Variants in PAPPA observed in about 807,000 individuals in gnomAD.
PAPPA encodes pappalysin-1.
PAPPA carries 60 observed loss-of-function variants against 164.0 expected under a neutral mutation model. The ratio of observed to expected loss-of-function variants is 0.37; its 90% confidence interval spans 0.30 to 0.45. The LOEUF (loss-of-function observed/expected upper bound fraction) is 0.45, where lower values mean the gene tolerates loss of function less well. Ranked by LOEUF, PAPPA falls within the 20% of genes least tolerant of loss-of-function variation. The pLI is 1.00. For missense variants in PAPPA, 1,782 were observed against 2,087.3 expected, an observed-to-expected ratio of 0.85 and a Z score of 2.85; for synonymous variants, 875 against 814.1, an observed-to-expected ratio of 1.07 and a Z score of -1.27.
In PAPPA at chr9:116,334,254, A is replaced by C. The variant is rs955232290; in HGVS notation, c.3398-607A>C. ...TGGCTGCATTAAAAAAAAAAAAAAAAAAAAAACAGGGCTCTTGAGTGAGGC... is the reference window on the plus strand; with the variant it reads ...TGGCTGCATTAAAAAAAAAAAAAAACAAAAAACAGGGCTCTTGAGTGAGGC... On this transcript the variant is annotated intron_variant, in intron 12 of 21. Coordinates refer to ENST00000328252, the MANE Select transcript of PAPPA (RefSeq NM_002581.5). 6.5e-4 allele frequency among the ~76,000 whole-genome samples: 99 copies of C among 151,240 alleles called. 1 individual carries two copies. Among genetic ancestry groups the C allele is most frequent in the African/African-American group, 2.0e-3 (83 of 41,120 alleles).
At chr9:116,337,011 T>C (rs1240531650) in intron 13 of PAPPA, among the ~76,000 whole-genome samples, 1 of 152,214 alleles carries the variant, frequency 6.6e-6, no homozygotes, top group Non-Finnish European at 1.5e-5. Flanking sequence ...GCACCTCTTC[T>C]GCGAGGTATG....
At chr9:116,291,842 T>A (rs1398995356) in intron 9 of PAPPA, among the ~76,000 whole-genome samples, 11 of 151,486 alleles carry the variant, frequency 7.3e-5, no homozygotes, top group Non-Finnish European at 1.5e-4. Context: ...TTATTTTAAA[T>A]AAAATAAATA....
At chr9:116,311,962 A>G (rs1402258550) in intron 10 of PAPPA, among the ~76,000 whole-genome samples, 1 of 152,188 alleles carries the variant, frequency 6.6e-6, no homozygotes, top group Non-Finnish European at 1.5e-5. Context: ...TTGAATAGCG[A>G]GTCTTCATTT....
chr9:116,286,453 T>C (rs1587987562), intron 9 of PAPPA: 1 of 152,326 alleles, frequency 6.6e-6, no homozygotes, highest in East Asian at 1.9e-4. Context: ...TGGATAGCTG[T>C]GTAAATAACA....
chr9:116,371,463 A>T (rs56837094), intron 19 of PAPPA, among the ~76,000 whole-genome samples: 2 of 152,150 alleles, frequency 1.3e-5, no homozygotes, highest in African/African-American at 2.4e-5. Context: ...GCATATTAGT[A>T]GTAGTAGTAT....
At chr9:116,304,777 G>A (rs1018398450) in intron 10 of PAPPA, among the ~76,000 whole-genome samples, 1 of 152,048 alleles carries the variant, frequency 6.6e-6, no homozygotes, top group African/African-American at 2.4e-5. Flanking sequence ...CTACAAAGAG[G>A]AGATGAGGAA....
chr9:116,221,268 C>T (rs1428128155), intron 5 of PAPPA, among the ~76,000 whole-genome samples: 1 of 152,140 alleles, frequency 6.6e-6, no homozygotes, highest in African/African-American at 2.4e-5. Flanking sequence ...AAGGTATTTG[C>T]ATCTATTTTG....
chr9:116,209,304 G>A (rs906601888), intron 3 of PAPPA, among the ~76,000 whole-genome samples: 6 of 152,104 alleles, frequency 3.9e-5, no homozygotes, highest in Non-Finnish European at 8.8e-5. Context: ...ATGGCCTTAG[G>A]CAATTCTCTT....
intron 10 of PAPPA, among the ~76,000 whole-genome samples, chr9:116,304,004 T>C (rs1845612879): frequency 6.6e-6 from 1 of 152,234 alleles, no homozygotes; most frequent in African/African-American, 2.4e-5. Context: ...AATGGTAACA[T>C]GGCATTTCCT....
chr9:116,256,373 A>C (rs1246553373), intron 7 of PAPPA, among the ~76,000 whole-genome samples: 1 of 152,010 alleles, frequency 6.6e-6, no homozygotes, highest in Non-Finnish European at 1.5e-5. Context: ...GATAAATCCA[A>C]GTGAAGGGAA....
chr9:116,273,765 C>T (rs1176319783), intron 9 of PAPPA, among the ~76,000 whole-genome samples: 1 of 152,032 alleles, frequency 6.6e-6, no homozygotes, highest in East Asian at 1.9e-4. Flanking sequence ...CAGAGCGAGA[C>T]CCTGTCTCAA....
chr9:116,377,943 A>C (rs1279082512), intron 20 of PAPPA, among the ~76,000 whole-genome samples: 1 of 152,012 alleles, frequency 6.6e-6, no homozygotes, highest in African/African-American at 2.4e-5. Flanking sequence ...TCTGTAAGAA[A>C]GGAAGGGCAG....
intron 10 of PAPPA, 38 bp from the exon 11 acceptor site, chr9:116,331,206 C>T (rs757574015): frequency 1.2e-5 from 16 of 1,287,718 alleles, no homozygotes; most frequent in Non-Finnish European, 1.7e-5. Flanking sequence ...TTCTGACACT[C>T]TCTAAAACAT....
intron 5 of PAPPA, among the ~76,000 whole-genome samples, chr9:116,220,431 A>C (rs1415396457): frequency 1.3e-5 from 2 of 150,948 alleles, no homozygotes; most frequent in Non-Finnish European, 2.9e-5. Context: ...TAATAGTCTC[A>C]TCTCCATGAG....
At chr9:116,219,193 A>C (rs428379) in intron 4 of PAPPA, among the ~76,000 whole-genome samples, 17,422 of 152,090 alleles carry the variant, frequency 0.11, 1,149 homozygotes, top group East Asian at 0.17. Flanking sequence ...CTGTCCCTGC[A>C]CCCACCCATG....
intron 17 of PAPPA, among the ~76,000 whole-genome samples, chr9:116,354,832 T>A (rs1038098547): frequency 6.6e-6 from 1 of 152,106 alleles, no homozygotes; most frequent in Non-Finnish European, 1.5e-5. Flanking sequence ...ATTATGTCAA[T>A]CTCTCTGAAC....
Position 116,235,160 on chromosome 9 carries a change from C to A in PAPPA, c.2255C>A (p.Pro752His), listed in dbSNP as rs766028386. The change falls in exon 7 of 22, where the codon CCC becomes CAC. Residue 752 changes from proline (P) to histidine (H), a missense_variant. This residue lies in a region of PAPPA where 1,324 missense variants were observed against 1,656.9 expected (regional missense o/e 0.80). Coordinates refer to ENST00000328252, the MANE Select transcript of PAPPA (RefSeq NM_002581.5). ...EAEGHPDVEQ[P>H]CKSSVRTWSP... ...ATAGGTCATCCTGATGTTGAACAGC[C>A]CTGTAAGTCCAGTGTCCGCACCTGG... 3 of 1,614,084 alleles carry A rather than the reference C, an allele frequency of 1.9e-6. No individual in the cohort carries two copies. The highest frequency in any genetic ancestry group is 2.2e-5 in the South Asian group (2 of 91,080).
rs376977170 is a variant in PAPPA at position 116,285,699 on chromosome 9, T to A, written c.2953+14283T>A. On this transcript the variant is annotated intron_variant, in intron 9 of 21. Coordinates refer to ENST00000328252, the MANE Select transcript of PAPPA (RefSeq NM_002581.5). ...CGTCATCATTTACATATCTCCCCTC[T>A]CACTAGGACCTGAGTTCTTGGAGCA... The A allele has an allele frequency of 2.0e-5, 3 of 152,226 alleles. No homozygotes were observed. The East Asian group carries it at 5.8e-4, about 29-fold the overall frequency. The allele number at this position is 152,226 out of a possible 1,614,324, so 9.4% of individuals were successfully genotyped here.
At chr9:116,378,413 C>T (rs1331941631) in intron 20 of PAPPA, among the ~76,000 whole-genome samples, 2 of 152,130 alleles carry the variant, frequency 1.3e-5, no homozygotes, top group Non-Finnish European at 2.9e-5. Context: ...AGTGAAAAAG[C>T]GGCCCCAAAT....
Sources: gnomAD v4.1 joint callset for allele counts (sites outside exome capture counted in the v4.1 genomes callset) on GRCh38, gnomAD v4.1.1 for gene constraint, gnomAD v4.1.1 regional missense constraint, MANE v1.5 for transcripts, NCBI Gene and HGNC (gene_info 2026-07-23, HGNC 2026-07-21) for gene names.